Variants in DNAH14 observed in about 807,000 individuals in gnomAD.
DNAH14 encodes the protein axonemal beta dynein heavy chain 14.
In DNAH14, 478 loss-of-function variants were observed where a neutral mutation model predicts 520.9. That is an observed-to-expected ratio of 0.92 (90% CI 0.85 to 0.99). The LOEUF (loss-of-function observed/expected upper bound fraction) is 0.99, where lower values mean the gene tolerates loss of function less well. Ranked by LOEUF, DNAH14 falls within the 50% of genes least tolerant of loss-of-function variation. The probability of loss-of-function intolerance (pLI) is 0.00; values close to 1 mark genes in which losing one functional copy is unlikely to be tolerated. For synonymous variants in DNAH14, 1,581 were observed against 1,757.2 expected, an observed-to-expected ratio of 0.90 and a Z score of 2.51; for missense variants, 4,831 against 5,234.5, an observed-to-expected ratio of 0.92 and a Z score of 2.38.
chr1:225,322,130 G>A (rs1396887260), intron 61 of DNAH14, among the ~76,000 whole-genome samples: 15 of 106,526 alleles, frequency 1.4e-4, no homozygotes, highest in African/African-American at 2.2e-4. Flanking sequence ...TCACTTTGTC[G>A]CCCAGGCTGG....
At chr1:225,157,487 G>T (rs922568042) in intron 34 of DNAH14, among the ~76,000 whole-genome samples, 1 of 151,752 alleles carries the variant, frequency 6.6e-6, no homozygotes, top group Non-Finnish European at 1.5e-5. Context: ...TGGTAATTTC[G>T]CATGCCATTT....
At chr1:225,194,558 A>G (rs2085879439) in intron 38 of DNAH14, among the ~76,000 whole-genome samples, 1 of 152,102 alleles carries the variant, frequency 6.6e-6, no homozygotes. Flanking sequence ...ATTTACATGT[A>G]AAACTTGAAA....
chr1:225,340,681 A>G lies in DNAH14; in HGVS notation c.10658A>G (p.Asn3553Ser). ...GAAGAACTAGAGGAAAAAACATTAA[A>G]TTTACTGCAGAAAGCACTAGGTAAG... Reference protein sequence around the residue: ...TLEELEEKTLNLLQKALGSIL... With the variant: ...TLEELEEKTLSLLQKALGSIL... Residue 3553 changes from asparagine to serine, a missense_variant, in exon 69 of 86, where the codon AAT becomes AGT. Coordinates refer to ENST00000682510, the MANE Select transcript of DNAH14 (RefSeq NM_001367479.1). 6.4e-7 allele frequency: 1 copy of G among 1,551,354 alleles called. No homozygotes were observed. The highest frequency in any genetic ancestry group is 2.4e-5 in the East Asian group (1 of 40,832).
At chr1:224,948,289 T>C (rs1242213018) in intron 1 of DNAH14, among the ~76,000 whole-genome samples, 1 of 151,958 alleles carries the variant, frequency 6.6e-6, no homozygotes, top group Non-Finnish European at 1.5e-5. Flanking sequence ...TCTGTTTTAT[T>C]TTCCTGGCAA....
rs1291661237 is a variant in DNAH14 at position 225,388,360 on chromosome 1, T to G, written c.13078-19T>G. 6.9e-7 allele frequency: 1 copy of G among 1,443,814 alleles called. No individual in the cohort carries two copies. Among genetic ancestry groups the G allele is most frequent in the Non-Finnish European group, 9.4e-7 (1 of 1,059,440 alleles). The allele number at this position is 1,443,814 out of a possible 1,614,324, so 89.4% of individuals were successfully genotyped here. A position where few individuals can be genotyped will look rare whatever the true frequency, so the allele number is the denominator to read the frequency against. On this transcript the variant is annotated intron_variant, in intron 81 of 85. Coordinates refer to ENST00000682510, the MANE Select transcript of DNAH14 (RefSeq NM_001367479.1). ...AGACAAAGAAAAAAAATGATGTGAC[T>G]GTCTTTAAATCCCAACAGAAACACG... is the stretch of plus-strand genomic sequence containing the variant.
chr1:225,290,649 AT>A (rs2093858352), intron 55 of DNAH14, among the ~76,000 whole-genome samples: 3 of 16,110 alleles, frequency 1.9e-4, no homozygotes, highest in Non-Finnish European at 3.8e-4. Context: ...GTGTGTGTGT[AT>A]ATATATATAT....
intron 60 of DNAH14, among the ~76,000 whole-genome samples, chr1:225,313,888 A>G (rs888271590): frequency 1.3e-5 from 2 of 152,098 alleles, no homozygotes; most frequent in African/African-American, 4.8e-5. Flanking sequence ...TAAGTGCTAT[A>G]TGGTGCTGAG....
intron 81 of DNAH14, among the ~76,000 whole-genome samples, chr1:225,386,325 G>C (rs1441707524): frequency 6.6e-6 from 1 of 152,176 alleles, no homozygotes; most frequent in Non-Finnish European, 1.5e-5. Context: ...CATGGGCAAG[G>C]ACTTCATGAC....
At chr1:225,159,606 G>T in intron 35 of DNAH14, 121 bp downstream of exon 35, 1 of 1,100,536 alleles carries the variant, frequency 9.1e-7, no homozygotes, top group South Asian at 1.8e-5. Context: ...TATAATTGAG[G>T]GGATAAAAAT....
intron 10 of DNAH14, among the ~76,000 whole-genome samples, chr1:225,021,560 A>G (rs905739944): frequency 1.3e-5 from 2 of 152,184 alleles, no homozygotes; most frequent in Non-Finnish European, 2.9e-5. Flanking sequence ...TAAAATATCT[A>G]GGAATACAGT....
At chr1:225,006,158 C>G (rs2064152526) in intron 9 of DNAH14, among the ~76,000 whole-genome samples, 1 of 152,156 alleles carries the variant, frequency 6.6e-6, no homozygotes, top group Non-Finnish European at 1.5e-5. Context: ...CTAATCAATA[C>G]TCTTATAATT....
intron 44 of DNAH14, among the ~76,000 whole-genome samples, chr1:225,255,338 A>G (rs1280059667): frequency 6.6e-6 from 1 of 152,220 alleles, no homozygotes; most frequent in Admixed American, 6.5e-5. Flanking sequence ...GATTGAATCA[A>G]TCAAGTCATT....
At chr1:225,030,825 GTTC>G (rs1222266382) in intron 11 of DNAH14, among the ~76,000 whole-genome samples, 4 of 151,858 alleles carry the variant, frequency 2.6e-5, no homozygotes, top group South Asian at 2.1e-4. Flanking sequence ...CTTCAGCTTT[GTTC>G]TTCTTTTTCA....
At chr1:225,316,834 C>T (rs2094477075) in intron 60 of DNAH14, among the ~76,000 whole-genome samples, 2 of 152,234 alleles carry the variant, frequency 1.3e-5, no homozygotes, top group African/African-American at 4.8e-5. Flanking sequence ...TCCTATAATA[C>T]TTTTTTCTAC....
chr1:225,106,021 A>T (rs545865935), intron 23 of DNAH14, among the ~76,000 whole-genome samples: 1 of 136,734 alleles, frequency 7.3e-6, no homozygotes, highest in South Asian at 2.2e-4. Context: ...GGCTGGTACC[A>T]GTTGTTCCTT....
At chr1:225,111,228 A>T (rs2076452116) in intron 23 of DNAH14, among the ~76,000 whole-genome samples, 1 of 152,086 alleles carries the variant, frequency 6.6e-6, no homozygotes, top group Admixed American at 6.5e-5. Flanking sequence ...GAAGTCTCCA[A>T]CTATTGGATT....
chr1:225,255,275 T>G (rs1205036610), intron 44 of DNAH14, among the ~76,000 whole-genome samples: 1 of 152,186 alleles, frequency 6.6e-6, no homozygotes, highest in South Asian at 2.1e-4. Flanking sequence ...AAATTCTCCT[T>G]TATAGAAATT....
intron 10 of DNAH14, among the ~76,000 whole-genome samples, chr1:225,008,655 G>T (rs1238920154): frequency 1.5e-5 from 2 of 130,350 alleles, no homozygotes; most frequent in Non-Finnish European, 3.1e-5. Flanking sequence ...TTGATCTCCT[G>T]ACCTCGTGAT....
chr1:225,286,088 C>G (rs953672292), intron 54 of DNAH14, among the ~76,000 whole-genome samples: 12 of 152,008 alleles, frequency 7.9e-5, no homozygotes, highest in Non-Finnish European at 1.6e-4. Flanking sequence ...CATGTGAAAA[C>G]TGAGAAACAA....
Sources: allele counts gnomAD v4.1 joint callset (sites outside exome capture counted in the v4.1 genomes callset), GRCh38; gene constraint gnomAD v4.1.1; transcripts MANE v1.5; gene names NCBI Gene and HGNC (gene_info 2026-07-23, HGNC 2026-07-21).